The following ZFHX3 variants were observed in gnomAD, a reference collection of about 807,000 sequenced individuals.
ZFHX3 encodes the protein zinc finger homeobox protein 3.
ZFHX3 carries 42 observed loss-of-function variants against 279.1 expected under a neutral mutation model. That is an observed-to-expected ratio of 0.15 (90% confidence interval 0.12 to 0.19). The LOEUF is 0.19. ZFHX3 is among the 10% of genes least tolerant of loss of function. The pLI, the probability that ZFHX3 is intolerant of heterozygous loss-of-function variation, is 1.00. For missense variants in ZFHX3, 4,981 were observed against 4,754.0 expected, an observed-to-expected ratio of 1.05 and a Z score of -1.40; for synonymous variants, 2,293 against 1,957.8, an observed-to-expected ratio of 1.17 and a Z score of -4.52.
chr16:73,284,316 CAAAAAAAAAAAA>C (rs71156152), intron 4 of ZFHX3, among the ~76,000 whole-genome samples: 1 of 83,306 alleles, frequency 1.2e-5, no homozygotes, highest in Non-Finnish European at 2.2e-5. Context: ...GACTCTGTCT[CAAAAAAAAAAAA>C]AAAAAAAAAA....
intron 2 of ZFHX3, among the ~76,000 whole-genome samples, chr16:73,675,257 G>C (rs998605074): frequency 1.3e-5 from 2 of 152,120 alleles, no homozygotes; most frequent in Non-Finnish European, 2.9e-5. Context: ...CAGGGAAGCA[G>C]AGTCACAGCC....
intron 2 of ZFHX3, among the ~76,000 whole-genome samples, chr16:73,666,398 C>G (rs956227993): frequency 1.5e-4 from 23 of 151,730 alleles, no homozygotes; most frequent in African/African-American, 5.6e-4. Context: ...TCAGAGAGCT[C>G]TTATTATCAA....
At chr16:73,727,474 T>C (rs1226806994) in intron 1 of ZFHX3, among the ~76,000 whole-genome samples, 2 of 152,242 alleles carry the variant, frequency 1.3e-5, no homozygotes, top group Non-Finnish European at 2.9e-5. Flanking sequence ...ACCTACAGAC[T>C]GTTTTAAACT....
chr16:72,913,328 T>A (rs1443957567), intron 3 of ZFHX3, among the ~76,000 whole-genome samples: 2 of 152,242 alleles, frequency 1.3e-5, no homozygotes, highest in Admixed American at 1.3e-4. Flanking sequence ...AGCACTGAAA[T>A]GTCATTCTCC....
chr16:73,824,577 G>C (rs1425414661), intron 1 of ZFHX3, among the ~76,000 whole-genome samples: 1 of 105,982 alleles, frequency 9.4e-6, no homozygotes, highest in African/African-American at 3.7e-5. Context: ...ACAGTCCCCA[G>C]AGTGTGATAT....
chr16:73,209,365 G>C (rs985006394), intron 5 of ZFHX3, among the ~76,000 whole-genome samples: 2 of 152,062 alleles, frequency 1.3e-5, no homozygotes. Context: ...TTCCCCCATG[G>C]GTCTGGAGGG....
chr16:72,895,550 G>A (rs908683520), intron 3 of ZFHX3, among the ~76,000 whole-genome samples: 16 of 152,232 alleles, frequency 1.1e-4, no homozygotes, highest in Admixed American at 7.9e-4. Flanking sequence ...GAGGCCAGGC[G>A]TGGTGGCTCA....
At chr16:73,482,837 A>T (rs1403549381) in intron 2 of ZFHX3, among the ~76,000 whole-genome samples, 1 of 152,210 alleles carries the variant, frequency 6.6e-6, no homozygotes, top group African/African-American at 2.4e-5. Context: ...TGTAATTTAC[A>T]TTTGTGCCTC....
At chr16:72,837,171 T>A (rs1597293360) in intron 4 of ZFHX3, among the ~76,000 whole-genome samples, 1 of 152,308 alleles carries the variant, frequency 6.6e-6, no homozygotes, top group East Asian at 1.9e-4. Context: ...GCCATTGCCT[T>A]CATCCTTTTC....
chr16:73,216,542 C>A (rs1294181671), intron 5 of ZFHX3, among the ~76,000 whole-genome samples: 1 of 152,136 alleles, frequency 6.6e-6, no homozygotes, highest in Non-Finnish European at 1.5e-5. Flanking sequence ...TCAGCATGAA[C>A]CTATGGTAAA....
chr16:73,308,263 ATATATATATATATATT>A (rs1302460458), intron 4 of ZFHX3, among the ~76,000 whole-genome samples: 526 of 22,558 alleles, frequency 0.023, 11 homozygotes, highest in Admixed American at 0.04. Context: ...ATATATATAT[ATATATATATATATATT>A]TATTTATTTA....
At chr16:73,403,955 C>T (rs888600254) in intron 3 of ZFHX3, among the ~76,000 whole-genome samples, 2 of 151,378 alleles carry the variant, frequency 1.3e-5, no homozygotes, top group Non-Finnish European at 2.9e-5. Flanking sequence ...TTTTTTTTTC[C>T]AGGCGAAAAT....
At position 72,796,610 on chromosome 16, in the gene ZFHX3, G is replaced by A. The variant is rs750337459; in HGVS notation, c.6072C>T (p.Asp2024=). The A allele has an allele frequency of 1.3e-5, 21 of 1,613,890 alleles. No individual in the cohort carries two copies. The highest frequency in any genetic ancestry group is 1.8e-5 in the Non-Finnish European group (21 of 1,180,022). The change falls in exon 9 of 10, where the codon GAC becomes GAT. Residue 2024 remains aspartate, a synonymous_variant. Coordinates refer to ENST00000268489, the MANE Select transcript of ZFHX3 (RefSeq NM_006885.4). ...QLERFAKQYR[D]HYDKLYPLRP... is the part of the protein sequence containing the mutation. ...TCAGTGGGTACAGTTTATCGTAGTGGTCTCTGTACTGTTTGGCAAACCTCT... is the reference window on the plus strand; with the variant it reads ...TCAGTGGGTACAGTTTATCGTAGTGATCTCTGTACTGTTTGGCAAACCTCT...
intron 1 of ZFHX3, among the ~76,000 whole-genome samples, chr16:72,995,922 G>A (rs1234111872): frequency 6.6e-6 from 1 of 152,218 alleles, no homozygotes; most frequent in Non-Finnish European, 1.5e-5. Context: ...ATTTCTCGAT[G>A]TTCTGCTCAG....
intron 1 of ZFHX3, among the ~76,000 whole-genome samples, chr16:73,852,965 AAAACAAACAAAC>A (rs60093693): frequency 3.7e-4 from 56 of 151,340 alleles, no homozygotes; most frequent in Non-Finnish European, 3.0e-4. Flanking sequence ...CTCAACAAGT[AAAACAAACAAAC>A]AAACAAACAA....
intron 3 of ZFHX3, among the ~76,000 whole-genome samples, chr16:73,383,128 A>G (rs2016843694): frequency 6.6e-6 from 1 of 152,216 alleles, no homozygotes; most frequent in Non-Finnish European, 1.5e-5. Context: ...TCTTCTCTTA[A>G]GGCTTGGGGA....
intron 2 of ZFHX3, among the ~76,000 whole-genome samples, chr16:73,474,569 A>G (rs1386719409): frequency 6.6e-6 from 1 of 152,192 alleles, no homozygotes; most frequent in Non-Finnish European, 1.5e-5. Context: ...TGGGGGTGGC[A>G]GTGGAGGCAG....
At chr16:72,960,520 T>C (rs7404992) in intron 1 of ZFHX3, among the ~76,000 whole-genome samples, 132,970 of 152,138 alleles carry the variant, frequency 0.87, 58,550 homozygotes, top group Non-Finnish European at 0.94. Flanking sequence ...ATAGCTTCGA[T>C]GGGCCACAGT....
At position 73,268,490 on chromosome 16, in the gene ZFHX3, C is replaced by T. The variant is rs574735166; in HGVS notation, c.-1193-11354G>A. ...TGTTCTCAGCCACTGGCGCTGCGCC[C>T]GACGCAGGGCATGGCTCTGAATGGC... On this transcript the variant is annotated intron_variant, in intron 4 of 17. Coordinates refer to the ZFHX3 transcript ENST00000641206. Among the ~76,000 whole-genome samples, 7 of 152,308 alleles carry T rather than the reference C, an allele frequency of 4.6e-5. No individual in the cohort carries two copies. In the South Asian group the frequency reaches 8.3e-4, roughly 18 times the overall value.
Sources: allele counts gnomAD v4.1 joint callset (sites outside exome capture counted in the v4.1 genomes callset), GRCh38; gene constraint gnomAD v4.1.1; transcripts MANE v1.5; gene names NCBI Gene and HGNC (gene_info 2026-07-23, HGNC 2026-07-21).